The following BIN1 variants were observed in gnomAD, a reference collection of about 807,000 sequenced individuals.
BIN1 encodes the protein myc box-dependent-interacting protein 1.
A neutral mutation model predicts 82.0 loss-of-function variants in BIN1; 53 were observed. The observed-to-expected ratio is 0.65, with a 90% confidence interval of 0.52 to 0.81. The LOEUF (loss-of-function observed/expected upper bound fraction) is 0.81. Ranked by LOEUF, BIN1 falls within the 40% of genes least tolerant of loss-of-function variation. The pLI is 0.00. For missense variants in BIN1, 642 were observed against 784.4 expected (o/e 0.82, Z 2.17); for synonymous variants, 302 against 328.0 (o/e 0.92, Z 0.86).
chr2:127,097,781 C>T (rs768660744), intron 1 of BIN1, among the ~76,000 whole-genome samples: 3 of 151,982 alleles, frequency 2.0e-5, no homozygotes, highest in Admixed American at 6.5e-5. Flanking sequence ...GGGCAGGGCC[C>T]GCCTCACCCA....
rs530732795 is a variant in BIN1, at chr2:127,067,655, G to T, written c.612+508C>A. The stretch of plus-strand genomic sequence containing the variant: ...CAAGTCCGAGGAAAATGACGCAGGG[G>T]CTTCAGTCAGGAGAGCCCCAACCCT... On this transcript the variant is annotated intron_variant, in intron 7 of 18. Coordinates refer to ENST00000316724, the MANE Select transcript of BIN1 (RefSeq NM_139343.3). This position sits in a 1 kb window ranked among gnomAD's most constrained non-coding sequence, Gnocchi z 4.7. Among the ~76,000 whole-genome samples, 5 of 152,222 alleles carry T rather than the reference G, an allele frequency of 3.3e-5. No individual in the cohort carries two copies. The highest frequency in any genetic ancestry group is 7.3e-5 in the Non-Finnish European group (5 of 68,032).
rs1302204687 is a variant in BIN1 at position 127,050,285 on chromosome 2, G to A, written c.1674+136C>T. 8.4e-6 allele frequency: 7 copies of A among 837,858 alleles called. 1 individual carries two copies. The highest frequency in any genetic ancestry group is 1.4e-5 in the Non-Finnish European group (7 of 503,660). The allele number at this position is 837,858 out of a possible 1,614,324, so 51.9% of individuals were successfully genotyped here. On this transcript the variant is annotated intron_variant, in intron 18 of 18. Transcript: ENST00000316724. Reference sequence around the variant, plus strand: ...AAAGCCCGACGTGGAGGGCGGGGAGGAGCAGTTGGCGCGGGAGCCCTGGTG... The same window carrying A: ...AAAGCCCGACGTGGAGGGCGGGGAGAAGCAGTTGGCGCGGGAGCCCTGGTG...
rs1683866930 is a variant in BIN1, at chr2:127,057,604, G to A, written c.1003-3C>T. 1.3e-6 allele frequency: 2 copies of A among 1,520,822 alleles called. No individual in the cohort carries two copies. The highest frequency in any genetic ancestry group is 8.9e-7 in the Non-Finnish European group (1 of 1,127,944). 94.2% of individuals were successfully genotyped at this position (1,520,822 alleles called of 1,614,324 possible). ...GGGACTGGTGGGCCTTTCCGGAGCT[G>A]TGGGTCGGCGGCGGGTGAGGGGCCG... is the stretch of plus-strand genomic sequence containing the variant. On this transcript the variant is annotated splice_region_variant and splice_polypyrimidine_tract_variant and intron_variant, in intron 11 of 18. Coordinates refer to ENST00000316724, the MANE Select transcript of BIN1 (RefSeq NM_139343.3). This position sits in a 1 kb window ranked among gnomAD's most constrained non-coding sequence, Gnocchi z 5.0.
At chr2:127,071,691 A>T (rs939839999) in intron 2 of BIN1, among the ~76,000 whole-genome samples, 2 of 152,166 alleles carry the variant, frequency 1.3e-5, no homozygotes, top group African/African-American at 4.8e-5. Flanking sequence ...GAGCTGCAGA[A>T]GTTTCCAGAA....
chr2:127,096,387 A>T (rs759287436), intron 1 of BIN1, among the ~76,000 whole-genome samples: 17 of 152,168 alleles, frequency 1.1e-4, no homozygotes, highest in Non-Finnish European at 1.5e-5. Flanking sequence ...CTGTCATGAG[A>T]TGCTCCCTGG....
chr2:127,086,657 G>A (rs529922745), intron 1 of BIN1, among the ~76,000 whole-genome samples: 4 of 152,100 alleles, frequency 2.6e-5, no homozygotes, highest in South Asian at 4.1e-4. Flanking sequence ...ACAGGCGCAC[G>A]TCACCACGCC....
At chr2:127,054,169 G>T in intron 12 of BIN1, 157 bp from the exon 13 acceptor site, 1 of 679,996 alleles carries the variant, frequency 1.5e-6, no homozygotes, top group South Asian at 1.7e-5. Context: ...ACACACGCTG[G>T]CACACAGCCC....
chr2:127,103,629 G>A (rs893033316), intron 1 of BIN1, among the ~76,000 whole-genome samples: 1 of 152,194 alleles, frequency 6.6e-6, no homozygotes, highest in Non-Finnish European at 1.5e-5. Flanking sequence ...GGCTCCATGA[G>A]GACTCCCAAG....
chr2:127,098,985 C>T (rs542642039), intron 1 of BIN1, among the ~76,000 whole-genome samples: 2 of 152,322 alleles, frequency 1.3e-5, no homozygotes, highest in East Asian at 1.9e-4. Flanking sequence ...TGCTTTATCA[C>T]GGGGGAGTGT....
intron 2 of BIN1, among the ~76,000 whole-genome samples, chr2:127,072,761 C>T (rs753942739): frequency 1.3e-4 from 20 of 152,288 alleles, no homozygotes; most frequent in African/African-American, 3.6e-4. Flanking sequence ...GACTGCTCCA[C>T]GGACACTGAG....
intron 1 of BIN1, among the ~76,000 whole-genome samples, chr2:127,100,774 C>T (rs904971698): frequency 1.3e-5 from 2 of 152,098 alleles, no homozygotes; most frequent in Admixed American, 6.5e-5. Context: ...CTCAGAAGCC[C>T]GGGTGCTGGG....
chr2:127,091,437 G>A lies in BIN1; in HGVS notation c.85-14731C>T, dbSNP rs116312303. 2.3e-3 allele frequency among the ~76,000 whole-genome samples: 357 copies of A among 152,390 alleles called. 3 individuals carry two copies. The highest frequency in any genetic ancestry group is 8.3e-3 in the African/African-American group (345 of 41,598). Reference sequence around the variant, plus strand: ...GCAGAAACAAAAGCCAAGGCTGGCAGGTTCTGAGTCCCAGAGAAGAGGAGA... The same window carrying A: ...GCAGAAACAAAAGCCAAGGCTGGCAAGTTCTGAGTCCCAGAGAAGAGGAGA... On this transcript the variant is annotated intron_variant, in intron 1 of 18. Coordinates refer to ENST00000316724, the MANE Select transcript of BIN1 (RefSeq NM_139343.3).
Position 127,082,059 on chromosome 2 carries a change from T to C in BIN1, c.85-5353A>G, listed in dbSNP as rs1366329524. 6.6e-6 allele frequency among the ~76,000 whole-genome samples: 1 copy of C among 151,964 alleles called. No individual in the cohort carries two copies. The highest frequency in any genetic ancestry group is 1.9e-4 in the East Asian group (1 of 5,140). On this transcript the variant is annotated intron_variant, in intron 1 of 18. Transcript: ENST00000316724. The surrounding 1 kb of genome is among the most constrained non-coding windows in gnomAD (Gnocchi z 6.1). ...GCCACTGTCAGACACCCGGCCAGGC[T>C]TTCTCTGGGCCCAGTCCCGAGGGAG...
At chr2:127,089,314 C>T (rs1678601790) in intron 1 of BIN1, among the ~76,000 whole-genome samples, 1 of 152,132 alleles carries the variant, frequency 6.6e-6, no homozygotes, top group African/African-American at 2.4e-5. Context: ...CTGGAAAGCT[C>T]TGAGCCAAGA....
chr2:127,051,534 G>T lies in BIN1; in HGVS notation c.1372-291C>A, dbSNP rs577194360. Among the ~76,000 whole-genome samples, 18 of 152,154 alleles carry T rather than the reference G, an allele frequency of 1.2e-4. No individual in the cohort carries two copies. In the South Asian group the frequency reaches 3.1e-3, roughly 26 times the overall value. On this transcript the variant is annotated intron_variant, in intron 15 of 18. Transcript: ENST00000316724. ...GCCCCAGAGTGCCACCCCCAACCCC[G>T]CCTCACAGGCCCTGCTCTCTCGGCA...
At chr2:127,076,770 T>G (rs1293395889) in intron 1 of BIN1, 64 bp from the exon 2 acceptor site, 1 of 1,576,406 alleles carries the variant, frequency 6.3e-7, no homozygotes, top group Non-Finnish European at 8.7e-7. Flanking sequence ...AAACCAAGAG[T>G]GCTCAGTCAC....
chr2:127,086,093 C>T (rs1052556750), intron 1 of BIN1, among the ~76,000 whole-genome samples: 1 of 152,222 alleles, frequency 6.6e-6, no homozygotes, highest in Non-Finnish European at 1.5e-5. Flanking sequence ...CCCTTGAACC[C>T]CCTCCCGTTG....
chr2:127,053,865 G>A (rs757559342), intron 13 of BIN1, 40 bp downstream of exon 13: 1 of 1,541,710 alleles, frequency 6.5e-7, no homozygotes, highest in South Asian at 1.2e-5. Flanking sequence ...TGGGCACCTG[G>A]AAGCTGGTGG....
rs896254160 is a variant in BIN1, at chr2:127,093,873, CT to C, written c.84+12986del. 1.3e-5 allele frequency among the ~76,000 whole-genome samples: 2 copies of C among 152,206 alleles called. No individual in the cohort carries two copies. Among genetic ancestry groups the C allele is most frequent in the African/African-American group, 4.8e-5 (2 of 41,448 alleles). On this transcript the variant is annotated intron_variant, in intron 1 of 18. Coordinates refer to ENST00000316724, the MANE Select transcript of BIN1 (RefSeq NM_139343.3). This position sits in a 1 kb window ranked among gnomAD's most constrained non-coding sequence, Gnocchi z 5.7. ...GGCCTCAAGCCCTACCATCTGGATC[CT>C]GAGCTAGGCCTGGACTCCCTGGACT...
Sources: allele counts gnomAD v4.1 joint callset (sites outside exome capture counted in the v4.1 genomes callset), GRCh38; gene constraint gnomAD v4.1.1; non-coding constraint Gnocchi (gnomAD v3.1); transcripts MANE v1.5; gene names NCBI Gene and HGNC (gene_info 2026-07-23, HGNC 2026-07-21).